TMC3: variants seen among roughly 807,000 people sequenced by gnomAD.
The protein encoded by TMC3 is transmembrane channel-like protein 3.
TMC3 carries 98 observed loss-of-function variants against 110.6 expected under a neutral mutation model. The ratio of observed to expected loss-of-function variants is 0.89; its 90% CI spans 0.75 to 1.05. The LOEUF is 1.05. TMC3 is among the 50% of genes least tolerant of loss of function. TMC3 has a pLI of 0.00. For synonymous variants in TMC3, 489 were observed against 513.1 expected (o/e 0.95, Z 0.63); for missense variants, 1,319 against 1,373.2 (o/e 0.96, Z 0.62).
chr15:81,335,784 C>T (rs376159491), intron 20 of TMC3: 22 of 152,362 alleles, frequency 1.4e-4, no homozygotes, highest in African/African-American at 5.3e-4. Context: ...TCCTGAGAAA[C>T]AGATCCATCT....
In TMC3 at chr15:81,344,912, G is replaced by A. The variant is rs1413223433; in HGVS notation, c.1372C>T (p.Pro458Ser). The A allele has an allele frequency of 6.2e-7, 1 of 1,613,870 alleles. No individual in the cohort carries two copies. Among genetic ancestry groups the A allele is most frequent in the Admixed American group, 1.7e-5 (1 of 60,016 alleles). The part of the protein sequence containing the change: ...PEEEKWSTSR[P>S]GMGLRRNNTW... ...TTGTTTCTCCTGAGCCCCATTCCAG[G>A]CCGAGATGTGGACCATTTCTCTTCT... The change falls in exon 13 of 22, where the codon CCT becomes TCT. Residue 458 changes from proline to serine, a missense_variant. Pro to Ser is a moderately conservative substitution (Grantham distance 74). Transcript: ENST00000359440.
At chr15:81,334,426 G>T (rs577931248) in intron 21 of TMC3, among the ~76,000 whole-genome samples, 15 of 152,238 alleles carry the variant, frequency 9.9e-5, no homozygotes, top group African/African-American at 3.6e-4. Flanking sequence ...GGCCACTGTG[G>T]AACTAAAAAA....
rs755806074 is a variant in TMC3, at chr15:81,332,761, G to C, written c.2961C>G (p.His987Gln). 4.3e-6 allele frequency: 7 copies of C among 1,612,646 alleles called. No homozygotes were observed. The highest frequency in any genetic ancestry group is 5.9e-6 in the Non-Finnish European group (7 of 1,179,398). The change falls in exon 22 of 22, where the codon CAC (histidine) becomes CAG (glutamine). Residue 987 changes from histidine to glutamine, a missense_variant. Physicochemically the swap from His to Gln is conservative, Grantham distance 24. Coordinates refer to ENST00000359440, the MANE Select transcript of TMC3 (RefSeq NM_001080532.3). ...ACGACTTGTAGTGCACCCTCCCCTG[G>C]TGCTCGGGATCCCGGGTCTGACTTT... ...RSESQTRDPE[H>Q]QGRVHYKSWN...
intron 15 of TMC3, chr15:81,343,075 T>G: frequency 2.0e-6 from 1 of 505,104 alleles, no homozygotes; most frequent in African/African-American, 1.9e-5. Context: ...TAAACATGGA[T>G]TATTTTCTTT....
At chr15:81,346,528 G>T in intron 11 of TMC3, 85 bp from the exon 12 acceptor site, 1 of 1,326,684 alleles carries the variant, frequency 7.5e-7, no homozygotes, top group Non-Finnish European at 1.1e-6. Flanking sequence ...TCTAAAGACT[G>T]TCATGGATAT....
In TMC3 at chr15:81,372,721, A is replaced by G. The variant is rs1237332001; in HGVS notation, c.106T>C (p.Phe36Leu). 1.2e-6 allele frequency: 2 copies of G among 1,613,998 alleles called. No individual in the cohort carries two copies. Among genetic ancestry groups the G allele is most frequent in the Admixed American group, 1.7e-5 (1 of 60,028 alleles). ...CTGTCCCCTGTTTCATCAGCACTAA[A>G]GCTGTCATCCAAGTTGCTGAATGAT... is the stretch of plus-strand genomic sequence containing the variant. The part of the protein sequence containing the change: ...SLLLSNLDDS[F>L]SADETGDSND... The change falls in exon 2 of 22, where the codon TTT becomes CTT. Residue 36 changes from phenylalanine (F) to leucine (L), a missense_variant. Transcript: ENST00000359440.
At chr15:81,355,668 A>G (rs1894044002) in intron 9 of TMC3, 57 bp downstream of exon 9, 2 of 1,171,386 alleles carry the variant, frequency 1.7e-6, no homozygotes, top group Admixed American at 2.0e-5. Flanking sequence ...TAGTTTTTGT[A>G]CCAAACTAAA....
In TMC3 at chr15:81,373,971, T is replaced by C; in HGVS notation, c.89+18A>G. ...ACACCTGACTCCTCTGCCCAGCTGA[T>C]GAATGGGGCCAGCTCACCTGAGCAG... is the stretch of plus-strand genomic sequence containing the variant. On this transcript the variant is annotated intron_variant, in intron 1 of 21. Transcript: ENST00000359440. 3 of 1,611,344 alleles carry C rather than the reference T, an allele frequency of 1.9e-6. No homozygotes were observed. Among genetic ancestry groups the C allele is most frequent in the Non-Finnish European group, 1.7e-6 (2 of 1,178,642 alleles).
At chr15:81,336,307 T>G (rs566087378) in intron 20 of TMC3, among the ~76,000 whole-genome samples, 3 of 152,298 alleles carry the variant, frequency 2.0e-5, no homozygotes, top group Admixed American at 2.0e-4. Flanking sequence ...GGCTCACACC[T>G]AGAGCTAGCT....
chr15:81,356,713 C>T, intron 7 of TMC3, 119 bp from the exon 8 acceptor site: 1 of 1,108,426 alleles, frequency 9.0e-7, no homozygotes, highest in Non-Finnish European at 1.3e-6. Context: ...GGACGCAGCT[C>T]CTCGGGTCAC....
At chr15:81,350,070 G>C (rs188826934) in intron 10 of TMC3, among the ~76,000 whole-genome samples, 44 of 146,552 alleles carry the variant, frequency 3.0e-4, no homozygotes, top group African/African-American at 1.0e-3. Flanking sequence ...AACACAGCAA[G>C]ACCCCATCTC....
chr15:81,358,082 A>T, intron 7 of TMC3, 67 bp downstream of exon 7: 1 of 1,459,644 alleles, frequency 6.9e-7, no homozygotes, highest in East Asian at 2.4e-5. Flanking sequence ...ATGAAGCTGT[A>T]AGAAAATACT....
rs774535756 is a variant in TMC3 at position 81,334,902 on chromosome 15, T to C, written c.2277A>G (p.Ser759=). ...TGTTTTGGGGTGTGCCCGAGTGCGC[T>C]GAGGACAGCTGGCTGGTAAGATCAC... ...NDSDLTSQLS[S]AHSGTPQNNG... is the part of the protein sequence containing the mutation. Residue 759 remains serine (S), a synonymous_variant, in exon 21 of 22, where the codon TCA becomes TCG. Coordinates refer to ENST00000359440, the MANE Select transcript of TMC3 (RefSeq NM_001080532.3). The C allele has an allele frequency of 3.7e-6, 6 of 1,614,040 alleles. No homozygotes were observed. In the Admixed American group the frequency reaches 5.0e-5, roughly 13 times the overall value.
rs781493763 is a variant in TMC3 at position 81,337,866 on chromosome 15, G to A, written c.2140C>T (p.Leu714Phe). Residue 714 changes from leucine (L) to phenylalanine (F), a missense_variant, in exon 19 of 22, where the codon CTC becomes TTC. By Grantham distance (22) the Leu-to-Phe change is conservative (BLOSUM62 0). Coordinates refer to ENST00000359440, the MANE Select transcript of TMC3 (RefSeq NM_001080532.3). ...ARSLKLSNHQ[L>F]KMQIQNARSE... ...CTTGCGTTTTGGATCTGCATTTTGAGCTGGTGGTTGCTGAGCTTTAGAGAC... is the reference window on the plus strand; with the variant it reads ...CTTGCGTTTTGGATCTGCATTTTGAACTGGTGGTTGCTGAGCTTTAGAGAC... The A allele has an allele frequency of 1.4e-5, 22 of 1,613,834 alleles. No individual in the cohort carries two copies. Among genetic ancestry groups the A allele is most frequent in the South Asian group, 5.5e-5 (5 of 91,092 alleles).
intron 12 of TMC3, among the ~76,000 whole-genome samples, chr15:81,345,245 G>A (rs1893801840): frequency 6.6e-6 from 1 of 152,174 alleles, no homozygotes; most frequent in Non-Finnish European, 1.5e-5. Context: ...GTCAGAAACT[G>A]TTTTAGGTAA....
chr15:81,341,508 A>G lies in TMC3; in HGVS notation c.1726T>C (p.Phe576Leu), dbSNP rs771414128. Residue 576 changes from phenylalanine to leucine, a missense_variant, in exon 16 of 22, where the codon TTC (phenylalanine) becomes CTC (leucine). Physicochemically the swap from Phe to Leu is conservative, Grantham distance 22. Coordinates refer to ENST00000359440, the MANE Select transcript of TMC3 (RefSeq NM_001080532.3). ...AACGCTGGGAGACATGGGGAGAAGA[A>G]GGCCCCCATCCTGGAACCATGAGGA... Reference protein sequence around the residue: ...YNQGMIWMGAFFSPCLPAFNV... With the variant: ...YNQGMIWMGALFSPCLPAFNV... 12 of 1,609,942 alleles carry G rather than the reference A, an allele frequency of 7.5e-6. No individual in the cohort carries two copies. The South Asian group carries it at 1.1e-4, about 15-fold the overall frequency.
intron 10 of TMC3, among the ~76,000 whole-genome samples, chr15:81,351,392 G>T (rs1893946569): frequency 8.2e-6 from 1 of 121,900 alleles, no homozygotes; most frequent in Non-Finnish European, 1.6e-5. Context: ...TCGCGCTGTT[G>T]CTCACACTGG....
intron 4 of TMC3, among the ~76,000 whole-genome samples, chr15:81,361,477 A>G (rs182446853): frequency 1.4e-3 from 219 of 152,300 alleles, no homozygotes; most frequent in South Asian, 2.5e-3. Context: ...TTGTACCTTT[A>G]TGATATACTT....
At chr15:81,362,909 C>A (rs1245635747) in intron 3 of TMC3, among the ~76,000 whole-genome samples, 1 of 152,164 alleles carries the variant, frequency 6.6e-6, no homozygotes, top group African/African-American at 2.4e-5. Flanking sequence ...TGACTCGCCT[C>A]CTGCTACAGC....
Sources: gnomAD v4.1 joint callset for allele counts (sites outside exome capture counted in the v4.1 genomes callset) on GRCh38, gnomAD v4.1.1 for gene constraint, MANE v1.5 for transcripts, NCBI Gene and HGNC (gene_info 2026-07-23, HGNC 2026-07-21) for gene names.